Variants in CAMK4 observed in about 807,000 individuals in gnomAD.
CAMK4 encodes the protein calcium/calmodulin dependent protein kinase IV, also known as calcium/calmodulin-dependent protein kinase type IV.
In CAMK4, 22 loss-of-function variants were observed where a neutral mutation model predicts 44.9. That is an observed-to-expected ratio of 0.49 (90% CI 0.35 to 0.70). The LOEUF is 0.70. Ranked by LOEUF, CAMK4 falls within the 30% of genes least tolerant of loss-of-function variation. CAMK4 has a pLI of 0.01. For synonymous variants in CAMK4, 218 were observed against 215.4 expected, an observed-to-expected ratio of 1.01 and a Z score of -0.11; for missense variants, 498 against 586.8, an observed-to-expected ratio of 0.85 and a Z score of 1.56.
intron 5 of CAMK4, among the ~76,000 whole-genome samples, chr5:111,418,215 G>T (rs1009251691): frequency 6.6e-6 from 1 of 152,178 alleles, no homozygotes; most frequent in Non-Finnish European, 1.5e-5. Flanking sequence ...GTTCCGTGAT[G>T]CCCCACAAGC....
intron 1 of CAMK4, among the ~76,000 whole-genome samples, chr5:111,273,570 A>G (rs994385485): frequency 1.1e-4 from 16 of 150,252 alleles, no homozygotes; most frequent in African/African-American, 3.9e-4. Flanking sequence ...AAAAGTGTAT[A>G]GATTTACCAA....
intron 2 of CAMK4, among the ~76,000 whole-genome samples, chr5:111,369,154 C>T (rs1283138895): frequency 2.0e-5 from 3 of 151,692 alleles, no homozygotes; most frequent in African/African-American, 7.3e-5. Flanking sequence ...CAACCTCCAC[C>T]TCCTGGGTTC....
intron 7 of CAMK4, among the ~76,000 whole-genome samples, chr5:111,450,568 ACC>A (rs1754192894): frequency 8.3e-6 from 1 of 119,776 alleles, no homozygotes; most frequent in Non-Finnish European, 1.8e-5. Flanking sequence ...TGGGTGGATC[ACC>A]TGGGGTCAGG....
chr5:111,279,399 T>C (rs1478188000), intron 1 of CAMK4, among the ~76,000 whole-genome samples: 1 of 152,112 alleles, frequency 6.6e-6, no homozygotes, highest in Non-Finnish European at 1.5e-5. Context: ...GTCAGTCAGC[T>C]CCAGCCCTGA....
At position 111,412,842 on chromosome 5, in the gene CAMK4, A is replaced by T. The variant is rs964408447; in HGVS notation, c.459+18060A>T. ...CTCTTGCCATGATAATAACCGCATG[A>T]CCCAGAAGTTACCACCCTTTTCCTA... On this transcript the variant is annotated intron_variant, in intron 5 of 10. Transcript: ENST00000282356. Among the ~76,000 whole-genome samples, 5 of 152,116 alleles carry T rather than the reference A, an allele frequency of 3.3e-5. No individual in the cohort carries two copies. The East Asian group carries it at 9.6e-4, about 29-fold the overall frequency.
chr5:111,328,536 G>A (rs1252922863), intron 1 of CAMK4, among the ~76,000 whole-genome samples: 16 of 151,726 alleles, frequency 1.1e-4, no homozygotes, highest in Admixed American at 2.0e-4. Context: ...AGTTTTTTCC[G>A]AATCTGTGAA....
At chr5:111,345,969 A>T (rs947929408) in intron 2 of CAMK4, among the ~76,000 whole-genome samples, 2 of 151,974 alleles carry the variant, frequency 1.3e-5, no homozygotes, top group African/African-American at 4.8e-5. Context: ...GCCAAATGGA[A>T]TGAGAGAAAA....
At chr5:111,322,816 G>T (rs771354475) in intron 1 of CAMK4, among the ~76,000 whole-genome samples, 6 of 152,082 alleles carry the variant, frequency 3.9e-5, no homozygotes, top group Non-Finnish European at 5.9e-5. Flanking sequence ...TGGAAACTAT[G>T]TAAAAGAGCC....
At chr5:111,261,760 T>C (rs1174522603) in intron 1 of CAMK4, among the ~76,000 whole-genome samples, 1 of 152,154 alleles carries the variant, frequency 6.6e-6, no homozygotes, top group East Asian at 1.9e-4. Flanking sequence ...CCTTCAGGTA[T>C]GGGGCCCTGC....
intron 4 of CAMK4, among the ~76,000 whole-genome samples, chr5:111,382,217 G>A (rs1751443846): frequency 6.6e-6 from 1 of 151,758 alleles, no homozygotes; most frequent in African/African-American, 2.4e-5. Context: ...TTATTAATAG[G>A]TCATAAGACC....
At chr5:111,375,585 G>A (rs1263001720) in intron 3 of CAMK4, among the ~76,000 whole-genome samples, 3 of 152,136 alleles carry the variant, frequency 2.0e-5, no homozygotes, top group African/African-American at 7.2e-5. Context: ...GGCCTGCAAC[G>A]CTTAGACTCC....
chr5:111,249,627 T>A (rs1191144537), intron 1 of CAMK4, among the ~76,000 whole-genome samples: 1 of 135,022 alleles, frequency 7.4e-6, no homozygotes, highest in Non-Finnish European at 1.6e-5. Flanking sequence ...TATATTTGTG[T>A]GTATATATAT....
At position 111,269,441 on chromosome 5, in the gene CAMK4, C is replaced by G. The variant is rs181726119; in HGVS notation, c.161+44797C>G. On this transcript the variant is annotated intron_variant, in intron 1 of 10. Transcript: ENST00000282356. ...AGGGCCTTCCTCCATGAACTCTTAGCAGGAGAAATAGTGGCCACATAACCA... is the reference window on the plus strand; with the variant it reads ...AGGGCCTTCCTCCATGAACTCTTAGGAGGAGAAATAGTGGCCACATAACCA... 7.7e-4 allele frequency among the ~76,000 whole-genome samples: 118 copies of G among 152,282 alleles called. 1 individual carries two copies. Among genetic ancestry groups the G allele is most frequent in the Non-Finnish European group, 1.3e-3 (88 of 68,024 alleles).
intron 1 of CAMK4, among the ~76,000 whole-genome samples, chr5:111,342,537 G>T (rs1045574816): frequency 7.0e-6 from 1 of 141,864 alleles, no homozygotes; most frequent in Non-Finnish European, 1.5e-5. Context: ...TGAGTTTCTT[G>T]TACACAGCAT....
chr5:111,308,354 G>C (rs1217744873), intron 1 of CAMK4, among the ~76,000 whole-genome samples: 1 of 152,042 alleles, frequency 6.6e-6, no homozygotes, highest in Non-Finnish European at 1.5e-5. Context: ...AAAGCCTGGG[G>C]CTCAGAAATC....
intron 5 of CAMK4, among the ~76,000 whole-genome samples, chr5:111,430,853 G>A (rs2112938523): frequency 6.6e-6 from 1 of 151,888 alleles, no homozygotes; most frequent in Admixed American, 6.6e-5. Flanking sequence ...CGAAGAATCG[G>A]TATTATTAAA....
intron 1 of CAMK4, chr5:111,277,432 A>G (rs890626842): frequency 1.3e-5 from 2 of 152,246 alleles, no homozygotes; most frequent in African/African-American, 2.4e-5. Context: ...ATTAAAAGCA[A>G]TGTTTCATTC....
intron 1 of CAMK4, among the ~76,000 whole-genome samples, chr5:111,225,495 G>A (rs890088119): frequency 6.6e-6 from 1 of 151,962 alleles, no homozygotes; most frequent in African/African-American, 2.4e-5. Context: ...GTTATCCATA[G>A]GTAAGGAGAT....
chr5:111,303,899 G>C (rs1452030455), intron 1 of CAMK4, among the ~76,000 whole-genome samples: 1 of 129,952 alleles, frequency 7.7e-6, no homozygotes, highest in Non-Finnish European at 1.5e-5. Context: ...CGGATCTCTC[G>C]GCAGAAACCC....
Sources: allele counts gnomAD v4.1 joint callset (sites outside exome capture counted in the v4.1 genomes callset), GRCh38; gene constraint gnomAD v4.1.1; transcripts MANE v1.5; gene names NCBI Gene and HGNC (gene_info 2026-07-23, HGNC 2026-07-21).